The following FHOD3 variants were observed in gnomAD, a reference collection of about 807,000 sequenced individuals.
FHOD3 encodes the protein FH1/FH2 domain-containing protein 3.
A neutral mutation model predicts 173.0 loss-of-function variants in FHOD3; 90 were observed. The observed-to-expected ratio is 0.52, with a 90% CI of 0.44 to 0.62. The LOEUF is 0.62. Among genes scored for constraint, FHOD3 ranks in the 20% least tolerant of loss-of-function variants. The pLI is 0.00. For synonymous variants in FHOD3, 828 were observed against 823.0 expected (o/e 1.01, Z -0.10); for missense variants, 1,945 against 2,034.7 (o/e 0.96, Z 0.85).
intron 5 of FHOD3, among the ~76,000 whole-genome samples, chr18:36,574,997 G>C (rs1250427000): frequency 6.6e-6 from 1 of 150,662 alleles, no homozygotes; most frequent in South Asian, 2.1e-4. Flanking sequence ...TTCAGACAGA[G>C]TTTTGCTCTA....
Position 36,353,505 on chromosome 18 carries a change from GATT to G in FHOD3, c.166-2031_166-2029del, listed in dbSNP as rs569787578. 1.9e-3 allele frequency among the ~76,000 whole-genome samples: 295 copies of G among 152,264 alleles called. 1 individual carries two copies. The highest frequency in any genetic ancestry group is 2.9e-3 in the Non-Finnish European group (194 of 68,014). On this transcript the variant is annotated intron_variant, in intron 1 of 28. Transcript: ENST00000590592. ...CTTATTTGAAATCTCACTTATAGCA[GATT>G]ATCAAGCATTCATCTAGATGTTTTA... is the stretch of plus-strand genomic sequence containing the variant.
chr18:36,493,197 TTTTTC>T (rs1166920586), intron 3 of FHOD3, among the ~76,000 whole-genome samples: 1 of 145,086 alleles, frequency 6.9e-6, no homozygotes, highest in Admixed American at 7.4e-5. Flanking sequence ...GTATCTGAAC[TTTTTC>T]TTTTCTTTTT....
At chr18:36,777,203 T>TC (rs1185379069) in intron 28 of FHOD3, among the ~76,000 whole-genome samples, 19 of 144,478 alleles carry the variant, frequency 1.3e-4, no homozygotes, top group African/African-American at 4.4e-4. Context: ...TTTTTCTTTT[T>TC]TTTTTTTTTT....
chr18:36,673,815 C>T (rs2037683571), intron 14 of FHOD3, among the ~76,000 whole-genome samples: 3 of 152,056 alleles, frequency 2.0e-5, no homozygotes, highest in Non-Finnish European at 4.4e-5. Flanking sequence ...GACAGAAATC[C>T]CTCTCTGAGA....
At chr18:36,715,766 A>G (rs1036785850) in intron 18 of FHOD3, among the ~76,000 whole-genome samples, 1 of 152,264 alleles carries the variant, frequency 6.6e-6, no homozygotes, top group African/African-American at 2.4e-5. Flanking sequence ...AAGGATGATC[A>G]ACAGTGTTGG....
chr18:36,694,345 G>A (rs936141519), intron 17 of FHOD3, among the ~76,000 whole-genome samples: 3 of 152,160 alleles, frequency 2.0e-5, no homozygotes, highest in Admixed American at 6.6e-5. Flanking sequence ...ATAATGGAAC[G>A]ATATTGTCTG....
chr18:36,328,616 A>G (rs1245374157), intron 1 of FHOD3, among the ~76,000 whole-genome samples: 1 of 152,086 alleles, frequency 6.6e-6, no homozygotes, highest in African/African-American at 2.4e-5. Flanking sequence ...TGTTGGGTGG[A>G]GAGAGCCTGT....
chr18:36,625,008 T>C (rs577785309), intron 9 of FHOD3, among the ~76,000 whole-genome samples: 3 of 152,138 alleles, frequency 2.0e-5, no homozygotes, highest in Non-Finnish European at 4.4e-5. Context: ...CTTAGAAAGA[T>C]TTATGGGTGA....
intron 5 of FHOD3, among the ~76,000 whole-genome samples, chr18:36,558,699 T>A (rs2057983149): frequency 6.6e-6 from 1 of 152,224 alleles, no homozygotes; most frequent in Non-Finnish European, 1.5e-5. Context: ...GGCATATCTA[T>A]GCAGTGAAAT....
At chr18:36,370,979 T>C (rs2047158863) in intron 2 of FHOD3, among the ~76,000 whole-genome samples, 1 of 152,214 alleles carries the variant, frequency 6.6e-6, no homozygotes, top group Non-Finnish European at 1.5e-5. Context: ...CATGTCAGGA[T>C]TTTTGAGAGT....
intron 19 of FHOD3, among the ~76,000 whole-genome samples, chr18:36,721,813 T>G (rs1257315195): frequency 6.6e-6 from 1 of 152,182 alleles, no homozygotes; most frequent in African/African-American, 2.4e-5. Context: ...GCTCAGAAAT[T>G]TTTAAATTAA....
At chr18:36,469,410 C>T (rs958491909) in intron 3 of FHOD3, among the ~76,000 whole-genome samples, 7 of 152,024 alleles carry the variant, frequency 4.6e-5, no homozygotes, top group Non-Finnish European at 8.8e-5. Context: ...TTGTCCTGCC[C>T]GGTGCTCCAA....
At chr18:36,615,248 G>A (rs2033091665) in intron 9 of FHOD3, among the ~76,000 whole-genome samples, 3 of 151,946 alleles carry the variant, frequency 2.0e-5, no homozygotes, top group African/African-American at 7.3e-5. Flanking sequence ...CTCATTCTAT[G>A]GGTTGTATTT....
chr18:36,675,675 A>C (rs534398962), intron 14 of FHOD3, among the ~76,000 whole-genome samples: 1 of 152,266 alleles, frequency 6.6e-6, no homozygotes, highest in African/African-American at 2.4e-5. Context: ...CATACCTTAG[A>C]GAATAGGCTG....
intron 3 of FHOD3, among the ~76,000 whole-genome samples, chr18:36,463,706 G>C (rs1277052858): frequency 6.6e-6 from 1 of 152,018 alleles, no homozygotes; most frequent in Non-Finnish European, 1.5e-5. Flanking sequence ...ATGTTGCCCA[G>C]GCTGTTCTCG....
At chr18:36,501,185 G>T (rs1397198287) in intron 3 of FHOD3, among the ~76,000 whole-genome samples, 1 of 152,232 alleles carries the variant, frequency 6.6e-6, no homozygotes, top group Non-Finnish European at 1.5e-5. Context: ...CAAGTCTTCA[G>T]CCAGAGAATT....
At chr18:36,478,040 C>A (rs1037382127) in intron 3 of FHOD3, among the ~76,000 whole-genome samples, 8 of 152,136 alleles carry the variant, frequency 5.3e-5, no homozygotes, top group Non-Finnish European at 1.2e-4. Flanking sequence ...CCCCAGGAGA[C>A]AAAACATGAC....
chr18:36,486,903 C>T (rs1235593816), intron 3 of FHOD3, among the ~76,000 whole-genome samples: 1 of 152,158 alleles, frequency 6.6e-6, no homozygotes, highest in East Asian at 1.9e-4. Context: ...TGGAATCATA[C>T]AGTATCTGGT....
rs773764877 is a variant in FHOD3, at chr18:36,759,111, C to T, written c.4426-7C>T. 207 of 1,535,714 alleles carry T rather than the reference C, an allele frequency of 1.3e-4. No individual in the cohort carries two copies. Among genetic ancestry groups the T allele is most frequent in the Non-Finnish European group, 1.5e-4 (176 of 1,146,706 alleles). The stretch of plus-strand genomic sequence containing the variant: ...TCCGTCCTGTCCTGTCCTGTCCTCT[C>T]GGGTAGACTGATGAGGAGGAGGAAG... On this transcript the variant is annotated splice_polypyrimidine_tract_variant and splice_region_variant and intron_variant, in intron 25 of 28. Transcript: ENST00000590592.
Sources: gnomAD v4.1 joint callset for allele counts (sites outside exome capture counted in the v4.1 genomes callset) on GRCh38, gnomAD v4.1.1 for gene constraint, MANE v1.5 for transcripts, NCBI Gene and HGNC (gene_info 2026-07-23, HGNC 2026-07-21) for gene names.